Variants in TMEM52B observed in about 807,000 individuals in gnomAD.
TMEM52B encodes transmembrane protein 52B, also known as chromosome 12 open reading frame 59.
Under a neutral mutation model 16.1 loss-of-function variants are expected in TMEM52B, and 11 were observed. That is an observed-to-expected ratio of 0.68 (90% CI 0.43 to 1.13). The LOEUF is 1.13. Ranked by LOEUF, TMEM52B falls within the 50% of genes most tolerant of loss-of-function variation. The probability of loss-of-function intolerance (pLI) is 0.00; values close to 1 mark genes in which losing one functional copy is unlikely to be tolerated. For missense variants in TMEM52B, 243 were observed against 230.4 expected, an observed-to-expected ratio of 1.05 and a Z score of -0.35; for synonymous variants, 101 against 93.8, an observed-to-expected ratio of 1.08 and a Z score of -0.45.
chr12:10,182,616 G>A (rs1478952017), intron 2 of TMEM52B, 23 bp downstream of exon 2: 1 of 1,531,148 alleles, frequency 6.5e-7, no homozygotes, highest in African/African-American at 1.4e-5. Flanking sequence ...TTCAAGCTGG[G>A]AGGAAGGAGC....
upstream of TMEM52B, among the ~76,000 whole-genome samples, chr12:10,174,048 TTTTGTTTGTTTG>T (rs35635554): frequency 2.7e-5 from 4 of 150,402 alleles, no homozygotes; most frequent in East Asian, 2.0e-4. Flanking sequence ...ATTTCATGTG[TTTTGTTTGTTTG>T]TTTGTTTGTT....
At chr12:10,177,795 A>AATG (rs1948778081), upstream of TMEM52B, among the ~76,000 whole-genome samples, 1 of 92,430 alleles carries the variant, frequency 1.1e-5, no homozygotes, top group Admixed American at 1.2e-4. Context: ...TAATAATAAT[A>AATG]ATAATAATAA....
upstream of TMEM52B, among the ~76,000 whole-genome samples, chr12:10,178,694 A>G (rs1228059854): frequency 1.3e-5 from 2 of 152,146 alleles, no homozygotes; most frequent in Admixed American, 1.3e-4. Context: ...AAGAAAAGGC[A>G]AGAAAGAAAG....
chr12:10,185,431 C>T, intron 3 of TMEM52B, 63 bp downstream of exon 3: 3 of 1,223,020 alleles, frequency 2.5e-6, no homozygotes, highest in African/African-American at 1.5e-5. Flanking sequence ...AAAATGACAA[C>T]CTGCCTACTT....
Position 10,189,906 on chromosome 12 carries a change from G to A in TMEM52B, c.318G>A (p.Ser106=), listed in dbSNP as rs746552314. ...TLQSTITSLQ[S]VFGPAARRIL... is the part of the protein sequence containing the mutation. ...CTTCTTTCTTCACAGCTCTGCAGTCGGTGTTTGGCCCTGCAGCTCGGAGGA... is the reference window on the plus strand; with the variant it reads ...CTTCTTTCTTCACAGCTCTGCAGTCAGTGTTTGGCCCTGCAGCTCGGAGGA... The change falls in exon 5 of 5, where the codon TCG becomes TCA. Residue 106 remains serine, a synonymous_variant. Coordinates refer to ENST00000543484, the MANE Select transcript of TMEM52B (RefSeq NM_001384896.1). The A allele has an allele frequency of 2.0e-5, 33 of 1,613,686 alleles. No individual in the cohort carries two copies. The highest frequency in any genetic ancestry group is 1.7e-4 in the Middle Eastern group (1 of 5,792).
Position 10,172,174 on chromosome 12 carries a change from G to C in TMEM52B, c.-95+1323G>C, listed in dbSNP as rs915342731. The C allele has an allele frequency of 1.0e-5, 8 of 779,980 alleles. No individual in the cohort carries two copies. In the African/African-American group the frequency reaches 1.4e-4, roughly 13 times the overall value. The allele number at this position is 779,980 out of a possible 1,614,324, so 48.3% of individuals were successfully genotyped here. ...CTGCAGAAGTATTTAAATAGCTACTGTTATCTAATAGAAGAATGACTCAAT... is the reference window on the plus strand; with the variant it reads ...CTGCAGAAGTATTTAAATAGCTACTCTTATCTAATAGAAGAATGACTCAAT... On this transcript the variant is annotated intron_variant, in intron 1 of 5. Coordinates refer to the TMEM52B transcript ENST00000381923.
upstream of TMEM52B, among the ~76,000 whole-genome samples, chr12:10,175,879 C>G (rs1453270985): frequency 6.6e-6 from 1 of 152,210 alleles, no homozygotes; most frequent in Non-Finnish European, 1.5e-5. Flanking sequence ...CTGACTTAGG[C>G]AAGGTCAAAA....
upstream of TMEM52B, among the ~76,000 whole-genome samples, chr12:10,174,363 T>C (rs1948751013): frequency 6.6e-6 from 1 of 152,174 alleles, no homozygotes; most frequent in Admixed American, 6.5e-5. Flanking sequence ...GTGCTGGCCT[T>C]CTGTGTCTTC....
At chr12:10,174,300 T>A (rs1483420668), upstream of TMEM52B, among the ~76,000 whole-genome samples, 1 of 152,104 alleles carries the variant, frequency 6.6e-6, no homozygotes, top group African/African-American at 2.4e-5. Flanking sequence ...TGTCCTCAAG[T>A]GATCCGCCTG....
At chr12:10,174,111 A>G (rs2742107), upstream of TMEM52B, among the ~76,000 whole-genome samples, 65,352 of 151,678 alleles carry the variant, frequency 0.43, 15,708 homozygotes, top group African/African-American at 0.65. Flanking sequence ...CCCAGGGTGG[A>G]TTGCAATGGC....
At chr12:10,177,962 C>G (rs1190682319), upstream of TMEM52B, among the ~76,000 whole-genome samples, 1 of 149,858 alleles carries the variant, frequency 6.7e-6, no homozygotes, top group Non-Finnish European at 1.5e-5. Context: ...GTGGTGTGAT[C>G]TCGGCTCACT....
At chr12:10,185,807 C>T (rs1254740065) in intron 3 of TMEM52B, among the ~76,000 whole-genome samples, 1 of 152,088 alleles carries the variant, frequency 6.6e-6, no homozygotes, top group African/African-American at 2.4e-5. Flanking sequence ...CTTTGGGAGG[C>T]CGAGACAGTG....
chr12:10,173,760 C>T (rs1948743952), intron 1 of TMEM52B, among the ~76,000 whole-genome samples: 1 of 130,982 alleles, frequency 7.6e-6, no homozygotes, highest in Non-Finnish European at 1.6e-5. Flanking sequence ...GCGAGACTCC[C>T]TTTAAAAAAA....
chr12:10,184,469 A>G (rs1474250136), intron 2 of TMEM52B, among the ~76,000 whole-genome samples: 1 of 152,054 alleles, frequency 6.6e-6, no homozygotes, highest in East Asian at 1.9e-4. Context: ...ACCCTATGGG[A>G]TCGGATCCTA....
In TMEM52B at chr12:10,179,507, G is replaced by C. The variant is rs1260970071; in HGVS notation, c.-68G>C. The C allele has an allele frequency of 5.2e-6, 8 of 1,528,550 alleles. No homozygotes were observed. The highest frequency in any genetic ancestry group is 7.3e-6 in the Non-Finnish European group (8 of 1,102,186). The allele number at this position is 1,528,550 out of a possible 1,614,324, so 94.7% of individuals were successfully genotyped here. On this transcript the variant is annotated 5_prime_UTR_variant, in exon 1 of 5. Coordinates refer to ENST00000543484, the MANE Select transcript of TMEM52B (RefSeq NM_001384896.1). ...ATTCTAGGTCAAGAAGTAAAATATG[G>C]CACAGAGCATTGAAAGGAGGCAACG...
At chr12:10,184,471 C>T (rs1185595948) in intron 2 of TMEM52B, among the ~76,000 whole-genome samples, 2 of 152,182 alleles carry the variant, frequency 1.3e-5, no homozygotes, top group Middle Eastern at 3.4e-3. Context: ...CCTATGGGAT[C>T]GGATCCTATC....
rs959412650 is a variant in TMEM52B, at chr12:10,191,777, C to G, written c.*1637C>G. 1 of 152,180 alleles carries G rather than the reference C, an allele frequency of 6.6e-6. No individual in the cohort carries two copies. Among genetic ancestry groups the G allele is most frequent in the African/African-American group, 2.4e-5 (1 of 41,448 alleles). 9.4% of individuals were successfully genotyped at this position (152,180 alleles called of 1,614,324 possible). A position where few individuals can be genotyped will look rare whatever the true frequency, so the allele number is the denominator to read the frequency against. On this transcript the variant is annotated 3_prime_UTR_variant, in exon 5 of 5. Transcript: ENST00000543484. ...ATGGCTTTGTTTTTATCAATAAATA[C>G]TTGTTGATTGCGGTAAACAGCAACA...
In TMEM52B at chr12:10,182,613, TGGGA is replaced by T. The variant is rs1948837604; in HGVS notation, c.98+23_98+26del. On this transcript the variant is annotated intron_variant, in intron 2 of 4. Transcript: ENST00000543484. ...TGAACAGTAAGTATAGAGTTCAAGC[TGGGA>T]GGAAGGAGCAACAGACCAAAACATC... 1 of 1,532,044 alleles carries T rather than the reference TGGGA, an allele frequency of 6.5e-7. No homozygotes were observed. The highest frequency in any genetic ancestry group is 8.7e-7 in the Non-Finnish European group (1 of 1,144,546). 94.9% of individuals were successfully genotyped at this position (1,532,044 alleles called of 1,614,324 possible). A position where few individuals can be genotyped will look rare whatever the true frequency, so the allele number is the denominator to read the frequency against.
intron 1 of TMEM52B, among the ~76,000 whole-genome samples, chr12:10,181,623 T>C (rs1948823924): frequency 6.6e-6 from 1 of 150,974 alleles, no homozygotes; most frequent in Admixed American, 6.6e-5. Context: ...CCACCACGCC[T>C]GGCCTGGTCA....
Sources: allele counts gnomAD v4.1 joint callset (sites outside exome capture counted in the v4.1 genomes callset), GRCh38; gene constraint gnomAD v4.1.1; transcripts MANE v1.5; gene names NCBI Gene and HGNC (gene_info 2026-07-23, HGNC 2026-07-21).